The following PDE4B variants were observed in gnomAD, a reference collection of about 807,000 sequenced individuals.
PDE4B encodes the protein phosphodiesterase 4B, also known as 3',5'-cyclic-AMP phosphodiesterase 4B.
Under a neutral mutation model 82.2 loss-of-function variants are expected in PDE4B, and 20 were observed. The observed-to-expected ratio is 0.24, with a 90% CI of 0.17 to 0.35. The LOEUF is 0.35. PDE4B is among the 10% of genes least tolerant of loss of function. The pLI, the probability that PDE4B is intolerant of heterozygous loss-of-function variation, is 1.00. For missense variants in PDE4B, 655 were observed against 907.2 expected, an observed-to-expected ratio of 0.72 and a Z score of 3.57; for synonymous variants, 320 against 318.9, an observed-to-expected ratio of 1.00 and a Z score of -0.04.
intron 3 of PDE4B, among the ~76,000 whole-genome samples, chr1:66,218,962 A>G (rs1311875689): frequency 1.3e-5 from 2 of 152,168 alleles, no homozygotes; most frequent in South Asian, 2.1e-4. Context: ...CATCGCATTT[A>G]CTAATCTGCA....
chr1:65,934,221 G>C (rs1647995608), intron 3 of PDE4B, among the ~76,000 whole-genome samples: 2 of 152,152 alleles, frequency 1.3e-5, no homozygotes, highest in South Asian at 2.1e-4. Flanking sequence ...GGTCAAGGTA[G>C]GAGGATTACT....
At chr1:66,338,621 C>G (rs1660703578) in intron 8 of PDE4B, among the ~76,000 whole-genome samples, 1 of 152,200 alleles carries the variant, frequency 6.6e-6, no homozygotes. Context: ...TTAAAATTCT[C>G]CAACATAGCC....
intron 3 of PDE4B, among the ~76,000 whole-genome samples, chr1:66,041,348 A>G (rs1654360217): frequency 6.6e-6 from 1 of 152,012 alleles, no homozygotes; most frequent in African/African-American, 2.4e-5. Context: ...CTTTCTTTGT[A>G]TTGACAATCT....
chr1:65,844,807 G>T (rs2101360833), intron 1 of PDE4B, among the ~76,000 whole-genome samples: 1 of 152,278 alleles, frequency 6.6e-6, no homozygotes, highest in African/African-American at 2.4e-5. Flanking sequence ...GTTGTGACCA[G>T]CTGGACAGCT....
chr1:66,013,836 A>G (rs1408356011), intron 3 of PDE4B, among the ~76,000 whole-genome samples: 3 of 152,180 alleles, frequency 2.0e-5, no homozygotes, highest in African/African-American at 7.2e-5. Context: ...GTGCTGAGTC[A>G]TATGATAATT....
intron 13 of PDE4B, 64 bp downstream of exon 13, chr1:66,365,830 T>G (rs971190212): frequency 2.2e-6 from 2 of 909,364 alleles, no homozygotes; most frequent in Non-Finnish European, 3.5e-6. Context: ...ATTTTTTTCC[T>G]CCTAATGTTT....
chr1:65,974,925 G>A (rs537390180), intron 3 of PDE4B, among the ~76,000 whole-genome samples: 14 of 152,238 alleles, frequency 9.2e-5, no homozygotes, highest in African/African-American at 3.1e-4. Context: ...CATAAGAACA[G>A]ACTAATACAG....
intron 3 of PDE4B, among the ~76,000 whole-genome samples, chr1:66,113,110 G>A (rs553144704): frequency 3.3e-5 from 5 of 152,264 alleles, no homozygotes; most frequent in East Asian, 3.9e-4. Flanking sequence ...TCAAGTGTGC[G>A]AATTGCATCC....
intron 3 of PDE4B, among the ~76,000 whole-genome samples, chr1:66,202,071 A>T (rs1293972055): frequency 6.6e-6 from 1 of 152,156 alleles, no homozygotes; most frequent in Non-Finnish European, 1.5e-5. Flanking sequence ...GGTTTCAAAG[A>T]ACATCTTTAT....
intron 7 of PDE4B, among the ~76,000 whole-genome samples, chr1:66,311,106 G>A (rs1266743805): frequency 1.3e-5 from 2 of 152,092 alleles, no homozygotes; most frequent in Non-Finnish European, 1.5e-5. Flanking sequence ...TTTTAGGAGA[G>A]GGAGAAAGAG....
intron 7 of PDE4B, among the ~76,000 whole-genome samples, chr1:66,278,292 C>T (rs1276604773): frequency 6.6e-6 from 1 of 152,148 alleles, no homozygotes; most frequent in African/African-American, 2.4e-5. Context: ...CTTATGGGGC[C>T]AGAGAAACTG....
intron 1 of PDE4B, among the ~76,000 whole-genome samples, chr1:65,819,134 C>T (rs767365177): frequency 5.3e-4 from 80 of 152,188 alleles, no homozygotes; most frequent in Middle Eastern, 3.4e-3. Context: ...GAACTTCTGC[C>T]CATGTTTCAT....
intron 3 of PDE4B, among the ~76,000 whole-genome samples, chr1:65,959,620 A>C (rs1649446861): frequency 6.6e-6 from 1 of 152,070 alleles, no homozygotes; most frequent in Admixed American, 6.6e-5. Flanking sequence ...ATTTATTTTT[A>C]TAACATCATC....
At chr1:66,286,658 C>T (rs2101798616) in intron 7 of PDE4B, among the ~76,000 whole-genome samples, 1 of 152,208 alleles carries the variant, frequency 6.6e-6, no homozygotes, top group Non-Finnish European at 1.5e-5. Flanking sequence ...TCACAGTTTG[C>T]CTATTTTGGC....
intron 3 of PDE4B, among the ~76,000 whole-genome samples, chr1:66,063,347 A>T (rs951429259): frequency 7.9e-5 from 12 of 151,884 alleles, no homozygotes; most frequent in Non-Finnish European, 1.6e-4. Flanking sequence ...CCAGAGTCTG[A>T]GCCCCCTACT....
Position 66,365,856 on chromosome 1 carries a change from A to G in PDE4B, c.1384+90A>G, listed in dbSNP as rs980865444. On this transcript the variant is annotated intron_variant, in intron 13 of 16. Coordinates refer to ENST00000341517, the MANE Select transcript of PDE4B (RefSeq NM_002600.4). ...CCTAATGTTTTCATTATGGATAATC[A>G]CAAGGATAATAATGAGGCAATCCTT... 12 of 697,166 alleles carry G rather than the reference A, an allele frequency of 1.7e-5. No individual in the cohort carries two copies. The African/African-American group carries it at 1.7e-4, about 10-fold the overall frequency. 43.2% of individuals were successfully genotyped at this position (697,166 alleles called of 1,614,324 possible). A position where few individuals can be genotyped will look rare whatever the true frequency, so the allele number is the denominator to read the frequency against.
At chr1:65,935,514 A>G (rs551543720) in intron 3 of PDE4B, among the ~76,000 whole-genome samples, 55 of 152,310 alleles carry the variant, frequency 3.6e-4, no homozygotes, top group African/African-American at 1.3e-3. Context: ...AGCACTGTAC[A>G]CTTAGGCTAC....
chr1:65,873,543 A>T (rs75850259), intron 1 of PDE4B, among the ~76,000 whole-genome samples: 2 of 152,326 alleles, frequency 1.3e-5, no homozygotes, highest in East Asian at 3.9e-4. Context: ...ATCTTCTACA[A>T]TTATGTTGTA....
At chr1:66,371,224 TTAA>T (rs1258507483) in intron 16 of PDE4B, among the ~76,000 whole-genome samples, 1 of 150,900 alleles carries the variant, frequency 6.6e-6, no homozygotes, top group Non-Finnish European at 1.5e-5. Flanking sequence ...TACCAACATG[TTAA>T]TAAAGGAAAG....
Sources: allele counts gnomAD v4.1 joint callset (sites outside exome capture counted in the v4.1 genomes callset), GRCh38; gene constraint gnomAD v4.1.1; transcripts MANE v1.5; gene names NCBI Gene and HGNC (gene_info 2026-07-23, HGNC 2026-07-21).